The following SLC39A11 variants were observed in gnomAD, a reference collection of about 807,000 sequenced individuals.
SLC39A11 encodes solute carrier family 39 member 11, also known as zinc transporter ZIP11.
Under a neutral mutation model 36.1 loss-of-function variants are expected in SLC39A11, and 33 were observed. That is an observed-to-expected ratio of 0.91 (90% CI 0.69 to 1.22). SLC39A11 has a LOEUF of 1.22. SLC39A11 is among the 50% of genes most tolerant of loss of function. The pLI is 0.00. For missense variants in SLC39A11, 432 were observed against 430.3 expected, an observed-to-expected ratio of 1.00 and a Z score of -0.03; for synonymous variants, 166 against 170.3, an observed-to-expected ratio of 0.97 and a Z score of 0.20.
At chr17:72,861,816 A>G (rs115280705) in intron 5 of SLC39A11, among the ~76,000 whole-genome samples, 473 of 136,684 alleles carry the variant, frequency 3.5e-3, no homozygotes, top group African/African-American at 0.012. Context: ...TTATATTTCT[A>G]TTTTCAGGCT....
At chr17:72,864,562 G>A (rs940194120) in intron 5 of SLC39A11, among the ~76,000 whole-genome samples, 1 of 152,112 alleles carries the variant, frequency 6.6e-6, no homozygotes, top group African/African-American at 2.4e-5. Flanking sequence ...GAACACCATA[G>A]ATACACATGG....
intron 7 of SLC39A11, among the ~76,000 whole-genome samples, chr17:72,706,494 C>T (rs114371556): frequency 0.012 from 1,823 of 152,290 alleles, 39 homozygotes; most frequent in African/African-American, 0.042. Context: ...TCTCAAAGAA[C>T]ACTCTGGCAA....
chr17:72,776,981 A>G (rs751358096), intron 6 of SLC39A11, among the ~76,000 whole-genome samples: 2 of 151,988 alleles, frequency 1.3e-5, no homozygotes, highest in Non-Finnish European at 2.9e-5. Flanking sequence ...TTTTCATCTC[A>G]TAAGAGGGGG....
intron 5 of SLC39A11, among the ~76,000 whole-genome samples, chr17:72,897,607 G>A (rs1281784756): frequency 6.6e-6 from 1 of 152,178 alleles, no homozygotes; most frequent in African/African-American, 2.4e-5. Flanking sequence ...TTTGAAGAAA[G>A]TCTAATATCA....
intron 7 of SLC39A11, among the ~76,000 whole-genome samples, chr17:72,686,077 C>T (rs893047761): frequency 1.2e-4 from 18 of 152,076 alleles, no homozygotes; most frequent in Non-Finnish European, 1.9e-4. Context: ...TGACCCTTGA[C>T]CTCCATCTGC....
chr17:73,044,733 G>C (rs9302950), intron 3 of SLC39A11, among the ~76,000 whole-genome samples: 146,087 of 152,086 alleles, frequency 0.96, 70,450 homozygotes, highest in East Asian at 1. Flanking sequence ...AATTAGCTGG[G>C]GATGGTGGTG....
At chr17:73,088,887 C>G (rs1041854071) in intron 1 of SLC39A11, 112 bp from the exon 2 acceptor site, 1 of 726,288 alleles carries the variant, frequency 1.4e-6, no homozygotes, top group Non-Finnish European at 2.4e-6. Context: ...CCAGGTTGAC[C>G]GTATGCACCC....
At chr17:72,807,843 G>A (rs1484235972) in intron 6 of SLC39A11, among the ~76,000 whole-genome samples, 1 of 152,190 alleles carries the variant, frequency 6.6e-6, no homozygotes, top group East Asian at 1.9e-4. Context: ...ACCCGACGAG[G>A]GGGTCGTGGG....
intron 5 of SLC39A11, among the ~76,000 whole-genome samples, chr17:72,945,653 G>T (rs990405089): frequency 6.6e-6 from 1 of 152,148 alleles, no homozygotes; most frequent in Non-Finnish European, 1.5e-5. Flanking sequence ...GGTTACAAGG[G>T]TTGCTTGGTA....
At chr17:72,892,694 T>G (rs575573661) in intron 5 of SLC39A11, among the ~76,000 whole-genome samples, 1 of 152,322 alleles carries the variant, frequency 6.6e-6, no homozygotes, top group Non-Finnish European at 1.5e-5. Flanking sequence ...CTGTTGATTC[T>G]AGGTGAGATA....
At chr17:73,031,327 G>A (rs2058732631) in intron 4 of SLC39A11, among the ~76,000 whole-genome samples, 1 of 151,964 alleles carries the variant, frequency 6.6e-6, no homozygotes, top group South Asian at 2.1e-4. Flanking sequence ...AATGAAATGT[G>A]ACATTCAAAA....
chr17:73,024,864 A>ATTTTTTTTTTTTTTTTT (rs1163840820), intron 4 of SLC39A11, among the ~76,000 whole-genome samples: 6 of 97,900 alleles, frequency 6.1e-5, no homozygotes, highest in African/African-American at 7.7e-5. Flanking sequence ...TGCCCAGCTA[A>ATTTTTTTTTTTTTTTTT]TTTTTTTTTT....
intron 6 of SLC39A11, chr17:72,839,341 G>A (rs1340491401): frequency 6.6e-6 from 1 of 152,138 alleles, no homozygotes; most frequent in Non-Finnish European, 1.5e-5. Context: ...TCATGACAAA[G>A]GAGATTTTTC....
intron 4 of SLC39A11, among the ~76,000 whole-genome samples, chr17:72,951,731 C>T (rs1253061419): frequency 1.3e-5 from 2 of 151,972 alleles, no homozygotes; most frequent in African/African-American, 2.4e-5. Flanking sequence ...TGGTTTGTGC[C>T]GGGTGATGTT....
At chr17:72,768,399 T>C (rs933242401) in intron 6 of SLC39A11, among the ~76,000 whole-genome samples, 1 of 152,188 alleles carries the variant, frequency 6.6e-6, no homozygotes, top group African/African-American at 2.4e-5. Context: ...TTAGATCAGA[T>C]CTCTTTCACT....
chr17:72,858,599 T>C (rs1028469241), intron 5 of SLC39A11, among the ~76,000 whole-genome samples: 2 of 152,352 alleles, frequency 1.3e-5, no homozygotes, highest in Admixed American at 1.3e-4. Context: ...CGATTCTTCC[T>C]ATCTCCATAA....
At chr17:72,966,458 G>A (rs1214908105) in intron 4 of SLC39A11, among the ~76,000 whole-genome samples, 1 of 152,316 alleles carries the variant, frequency 6.6e-6, no homozygotes, top group African/African-American at 2.4e-5. Context: ...GAAATTAACA[G>A]ATCTTCTAGG....
intron 6 of SLC39A11, among the ~76,000 whole-genome samples, chr17:72,809,225 C>CTCTCTCTCTCTCTCTT (rs1568127678): frequency 1.7e-4 from 26 of 151,034 alleles, no homozygotes; most frequent in African/African-American, 5.8e-4. Flanking sequence ...CTCTCTCTCT[C>CTCTCTCTCTCTCTCTT]TCTTTCTTTC....
intron 5 of SLC39A11, among the ~76,000 whole-genome samples, chr17:72,851,098 A>C (rs2079293591): frequency 6.6e-6 from 1 of 152,070 alleles, no homozygotes; most frequent in Non-Finnish European, 1.5e-5. Flanking sequence ...ATGCAGCTAG[A>C]CAGGAGAGAG....
Sources: gnomAD v4.1 joint callset for allele counts (sites outside exome capture counted in the v4.1 genomes callset) on GRCh38, gnomAD v4.1.1 for gene constraint, MANE v1.5 for transcripts, NCBI Gene and HGNC (gene_info 2026-07-23, HGNC 2026-07-21) for gene names.